The following EPCAM variants were observed in gnomAD, a reference collection of about 807,000 sequenced individuals.
EPCAM encodes the protein epithelial cell adhesion molecule, also known as adenocarcinoma-associated antigen.
A neutral mutation model predicts 40.0 loss-of-function variants in EPCAM; 39 were observed. That is an observed-to-expected ratio of 0.98 (90% CI 0.76 to 1.27). EPCAM has a LOEUF of 1.27. Among genes scored for constraint, EPCAM ranks in the 50% most tolerant of loss-of-function variants. The probability of loss-of-function intolerance (pLI) is 0.00; values close to 1 mark genes in which losing one functional copy is unlikely to be tolerated. For missense variants in EPCAM, 503 were observed against 381.2 expected, an observed-to-expected ratio of 1.32 and a Z score of -2.66; for synonymous variants, 168 against 132.3, an observed-to-expected ratio of 1.27 and a Z score of -1.85.
At chr2:47,369,699 A>G in intron 1 of EPCAM, 118 bp downstream of exon 1, 1 of 1,087,206 alleles carries the variant, frequency 9.2e-7, no homozygotes, top group Admixed American at 2.0e-5. Flanking sequence ...CGCGCTTTCC[A>G]GCGTGGAGAC....
chr2:47,371,070 C>G (rs923225649), intron 1 of EPCAM, among the ~76,000 whole-genome samples: 23 of 152,178 alleles, frequency 1.5e-4, no homozygotes, highest in African/African-American at 5.5e-4. Flanking sequence ...GTCTCGAACT[C>G]CTGGGCTCAA....
At chr2:47,382,996 C>A (rs566444095) in intron 7 of EPCAM, among the ~76,000 whole-genome samples, 47 of 142,550 alleles carry the variant, frequency 3.3e-4, no homozygotes, top group African/African-American at 1.2e-3. Context: ...AAATTTCTTT[C>A]TTTTTTTTTT....
At chr2:47,378,719 C>T (rs928266821) in intron 5 of EPCAM, among the ~76,000 whole-genome samples, 2 of 152,064 alleles carry the variant, frequency 1.3e-5, no homozygotes, top group Non-Finnish European at 2.9e-5. Flanking sequence ...AAAAATTGTA[C>T]ATTGTAATTA....
At chr2:47,381,358 C>T (rs188128138) in intron 7 of EPCAM, among the ~76,000 whole-genome samples, 4 of 147,608 alleles carry the variant, frequency 2.7e-5, no homozygotes, top group African/African-American at 1.0e-4. Context: ...TGCCATTGCA[C>T]TCCAGCCTGA....
chr2:47,384,129 T>G (rs1361342107), intron 7 of EPCAM, among the ~76,000 whole-genome samples: 1 of 151,962 alleles, frequency 6.6e-6, no homozygotes, highest in African/African-American at 2.4e-5. Flanking sequence ...GGAGACAGAG[T>G]CTCCTTCTGT....
intron 4 of EPCAM, among the ~76,000 whole-genome samples, chr2:47,376,602 A>G (rs759725287): frequency 6.6e-6 from 1 of 152,142 alleles, no homozygotes; most frequent in Non-Finnish European, 1.5e-5. Context: ...TGCATTTTTG[A>G]CAGGAAAACT....
At chr2:47,384,923 T>C (rs1342070214) in intron 7 of EPCAM, among the ~76,000 whole-genome samples, 1 of 152,102 alleles carries the variant, frequency 6.6e-6, no homozygotes, top group Non-Finnish European at 1.5e-5. Flanking sequence ...GCTGGGCTGG[T>C]CTGAAACTCC....
chr2:47,385,681 T>A (rs1260185412), intron 8 of EPCAM, among the ~76,000 whole-genome samples: 1 of 152,128 alleles, frequency 6.6e-6, no homozygotes, highest in Non-Finnish European at 1.5e-5. Context: ...GAATTGAATA[T>A]GAACACTTAT....
chr2:47,374,184 A>G (rs943763893), intron 3 of EPCAM, 136 bp downstream of exon 3: 3 of 1,029,136 alleles, frequency 2.9e-6, no homozygotes, highest in Non-Finnish European at 4.4e-6. Context: ...CTTCCTTCTC[A>G]TTCCAGTCCC....
intron 1 of EPCAM, 91 bp from the exon 2 acceptor site, chr2:47,373,372 C>A: frequency 1.2e-6 from 1 of 844,304 alleles, no homozygotes; most frequent in Non-Finnish European, 1.9e-6. Flanking sequence ...GTCCTTGTAA[C>A]TTTAGGCATT....
chr2:47,383,614 T>C lies in EPCAM; in HGVS notation c.859-1552T>C, dbSNP rs1186232019. Among the ~76,000 whole-genome samples the C allele has an allele frequency of 2.5e-3, 91 of 36,978 alleles. 1 individual carries two copies. The highest frequency in any genetic ancestry group is 7.8e-3 in the Middle Eastern group (1 of 128). The allele number at this position is 36,978 out of a possible 152,430, so 24.3% of individuals were successfully genotyped here. ...CACTGTGCCCGGCTTCTTCTTTTTT[T>C]TTTTTTTTTTTTTTTTTTTTTTTTT... is the stretch of plus-strand genomic sequence containing the variant. On this transcript the variant is annotated intron_variant, in intron 7 of 8. Transcript: ENST00000263735.
At chr2:47,371,043 C>G (rs910828169) in intron 1 of EPCAM, among the ~76,000 whole-genome samples, 1 of 151,872 alleles carries the variant, frequency 6.6e-6, no homozygotes, top group African/African-American at 2.4e-5. Flanking sequence ...CGACATCTCA[C>G]TATGTTGCCC....
Position 47,382,068 on chromosome 2 carries a change from C to CTA in EPCAM, c.858+2111_858+2112dup, listed in dbSNP as rs1158412733. ...CAGGCATGAGCCATTGCACCTAGTCCTATATATATATATTTTGGCTTCATT... is the reference window on the plus strand; with the variant it reads ...CAGGCATGAGCCATTGCACCTAGTCCTATATATATATATATTTTGGCTTCATT... On this transcript the variant is annotated intron_variant, in intron 7 of 8. Transcript: ENST00000263735. Among the ~76,000 whole-genome samples the CTA allele has an allele frequency of 2.8e-3, 421 of 151,426 alleles. 3 individuals carry two copies. Among genetic ancestry groups the CTA allele is most frequent in the African/African-American group, 8.5e-3 (349 of 41,258 alleles).
At chr2:47,381,512 C>T (rs1671589708) in intron 7 of EPCAM, among the ~76,000 whole-genome samples, 1 of 151,610 alleles carries the variant, frequency 6.6e-6, no homozygotes, top group Non-Finnish European at 1.5e-5. Flanking sequence ...CCATCTGGAA[C>T]AAAATGAAAG....
At chr2:47,376,951 G>T (rs2103753015) in intron 4 of EPCAM, 63 bp from the exon 5 acceptor site, 1 of 1,099,104 alleles carries the variant, frequency 9.1e-7, no homozygotes. Context: ...TTAAAGAGTA[G>T]TGCTTCTTAC....
intron 3 of EPCAM, among the ~76,000 whole-genome samples, chr2:47,374,739 G>A (rs1341287937): frequency 6.6e-6 from 1 of 151,936 alleles, no homozygotes; most frequent in African/African-American, 2.4e-5. Context: ...TGCCTCCCGG[G>A]TTCAAGCAAC....
In EPCAM at chr2:47,373,479, C is replaced by T. The variant is rs555329870; in HGVS notation, c.93C>T (p.Asn31=). 1.9e-6 allele frequency: 3 copies of T among 1,611,406 alleles called. No homozygotes were observed. Among genetic ancestry groups the T allele is most frequent in the African/African-American group, 1.3e-5 (1 of 74,814 alleles). ...ATTTTCTAGAATGTGTCTGTGAAAA[C>T]TACAAGCTGGCCGTAAACTGCTTTG... ...AAAQEECVCE[N]YKLAVNCFVN... Residue 31 remains asparagine, a synonymous_variant, in exon 2 of 9, where the codon AAC becomes AAT. Transcript: ENST00000263735.
chr2:47,376,614 C>G (rs1195181925), intron 4 of EPCAM, among the ~76,000 whole-genome samples: 1 of 152,158 alleles, frequency 6.6e-6, no homozygotes, highest in Middle Eastern at 3.2e-3. Flanking sequence ...AGGAAAACTA[C>G]TTAAGCGATC....
chr2:47,378,299 C>CTTTT (rs70940676), intron 5 of EPCAM, among the ~76,000 whole-genome samples: 20 of 118,670 alleles, frequency 1.7e-4, no homozygotes, highest in African/African-American at 2.7e-4. Flanking sequence ...TTTTTCTTTT[C>CTTTT]TTTTTTTTTT....
Sources: allele counts gnomAD v4.1 joint callset (sites outside exome capture counted in the v4.1 genomes callset), GRCh38; gene constraint gnomAD v4.1.1; transcripts MANE v1.5; gene names NCBI Gene and HGNC (gene_info 2026-07-23, HGNC 2026-07-21).